Variants in CCDC7 observed in about 807,000 individuals in gnomAD.
CCDC7 encodes coiled-coil domain containing 7.
In CCDC7, 183 loss-of-function variants were observed where a neutral mutation model predicts 196.9. The observed-to-expected ratio is 0.93, with a 90% CI of 0.82 to 1.05. The LOEUF is 1.05. Ranked by LOEUF, CCDC7 falls within the 50% of genes least tolerant of loss-of-function variation. The pLI is 0.00. For synonymous variants in CCDC7, 525 were observed against 484.6 expected (o/e 1.08, Z -1.10); for missense variants, 1,540 against 1,482.2 (o/e 1.04, Z -0.64).
chr10:32,694,415 T>G (rs1163449640), intron 23 of CCDC7, among the ~76,000 whole-genome samples: 1 of 152,244 alleles, frequency 6.6e-6, no homozygotes, highest in Non-Finnish European at 1.5e-5. Flanking sequence ...TTTCATTATG[T>G]GTCATTTTGC....
chr10:32,881,928 AT>A (rs2094804435), downstream of CCDC7, among the ~76,000 whole-genome samples: 1 of 152,174 alleles, frequency 6.6e-6, no homozygotes, highest in African/African-American at 2.4e-5. Context: ...ACACAAGTTC[AT>A]CTAACTTGCT....
chr10:32,849,665 T>C (rs1458650753), intron 39 of CCDC7, among the ~76,000 whole-genome samples: 1 of 133,712 alleles, frequency 7.5e-6, no homozygotes, highest in East Asian at 2.1e-4. Flanking sequence ...ATCACGCCAC[T>C]GCACTCCAGC....
At chr10:32,514,336 G>A (rs767712453) in intron 9 of CCDC7, 10 of 152,138 alleles carry the variant, frequency 6.6e-5, no homozygotes, top group Non-Finnish European at 1.2e-4. Context: ...TTAATCCAAC[G>A]TGACTAATGT....
chr10:32,544,503 A>G, intron 13 of CCDC7: 1 of 383,244 alleles, frequency 2.6e-6, no homozygotes. Flanking sequence ...AAGTTCAGAG[A>G]ATGAAATGTC....
chr10:32,527,214 C>T (rs1294488138), intron 11 of CCDC7, among the ~76,000 whole-genome samples: 1 of 152,058 alleles, frequency 6.6e-6, no homozygotes, highest in African/African-American at 2.4e-5. Context: ...ATTGTAAAGT[C>T]CCCCCACTGT....
chr10:32,555,876 T>C (rs953178869), intron 13 of CCDC7, among the ~76,000 whole-genome samples: 20 of 152,222 alleles, frequency 1.3e-4, no homozygotes, highest in Admixed American at 8.5e-4. Context: ...TTCCTATGTC[T>C]GACGTTCCAG....
intron 2 of CCDC7, among the ~76,000 whole-genome samples, chr10:32,454,587 A>C (rs2033892983): frequency 6.6e-6 from 1 of 151,464 alleles, no homozygotes; most frequent in South Asian, 2.1e-4. Context: ...TAAAAAAAAA[A>C]CCACCAAAAA....
intron 21 of CCDC7, among the ~76,000 whole-genome samples, 186 bp downstream of exon 22, chr10:32,664,347 C>T (rs1184626792): frequency 1.3e-5 from 2 of 151,698 alleles, no homozygotes; most frequent in African/African-American, 2.4e-5. Context: ...TGTATATTAC[C>T]TTGTTATTTT....
chr10:32,680,326 G>T (rs1444892859), intron 21 of CCDC7, among the ~76,000 whole-genome samples: 3 of 152,100 alleles, frequency 2.0e-5, no homozygotes, highest in Admixed American at 1.3e-4. Flanking sequence ...AGTCAGTGGG[G>T]TTGCACATAG....
At chr10:32,463,463 T>G (rs1357060117) in intron 5 of CCDC7, among the ~76,000 whole-genome samples, 1 of 152,220 alleles carries the variant, frequency 6.6e-6, no homozygotes, top group East Asian at 1.9e-4. Flanking sequence ...AAATATGTTA[T>G]TTTAATGATG....
intron 41 of CCDC7, among the ~76,000 whole-genome samples, chr10:32,874,497 C>G (rs959549113): frequency 1.3e-5 from 2 of 151,666 alleles, no homozygotes; most frequent in African/African-American, 4.8e-5. Context: ...TTTGTGTGCA[C>G]ATAGCTTAGC....
At chr10:32,759,675 T>C (rs1419919406) in intron 28 of CCDC7, among the ~76,000 whole-genome samples, 1 of 152,180 alleles carries the variant, frequency 6.6e-6, no homozygotes, top group Non-Finnish European at 1.5e-5. Context: ...TTTCAGGACA[T>C]AGGCATGGGC....
intron 13 of CCDC7, among the ~76,000 whole-genome samples, chr10:32,564,058 C>T (rs1188549909): frequency 1.3e-5 from 2 of 152,094 alleles, no homozygotes; most frequent in Non-Finnish European, 2.9e-5. Context: ...AAATGCTCAT[C>T]ATCACTGGCC....
intron 8 of CCDC7, among the ~76,000 whole-genome samples, chr10:32,483,369 G>A (rs1035181960): frequency 2.1e-4 from 32 of 151,916 alleles, no homozygotes; most frequent in Admixed American, 1.6e-3. Context: ...AAATTTGTTT[G>A]AGTTCATTGT....
intron 11 of CCDC7, among the ~76,000 whole-genome samples, chr10:32,526,969 C>T (rs930861614): frequency 6.6e-6 from 1 of 152,118 alleles, no homozygotes; most frequent in Non-Finnish European, 1.5e-5. Flanking sequence ...AACCCTAGCC[C>T]TACAAATAGT....
intron 14 of CCDC7, among the ~76,000 whole-genome samples, chr10:32,566,946 T>C (rs1024898225): frequency 2.1e-5 from 3 of 144,246 alleles, no homozygotes; most frequent in Admixed American, 7.1e-5. Flanking sequence ...GTATTAGCTA[T>C]ATATATGCAG....
intron 20 of CCDC7, among the ~76,000 whole-genome samples, chr10:32,640,127 T>A (rs1049978571): frequency 2.1e-4 from 32 of 152,174 alleles, no homozygotes; most frequent in African/African-American, 6.8e-4. Context: ...ATCTGTCTAA[T>A]GTTGACAGTG....
At chr10:32,445,015 G>A (rs146609417), upstream of CCDC7, among the ~76,000 whole-genome samples, 6,472 of 151,904 alleles carry the variant, frequency 0.043, 145 homozygotes, top group Middle Eastern at 0.054. Context: ...CATCACGCCC[G>A]GCTAATTTTT....
intron 41 of CCDC7, among the ~76,000 whole-genome samples, chr10:32,871,437 A>G (rs375446064): frequency 0.026 from 3,877 of 149,920 alleles, 190 homozygotes; most frequent in African/African-American, 0.092. Context: ...CTGTGGGATC[A>G]GTGGTGATAT....
Sources: allele counts gnomAD v4.1 joint callset (sites outside exome capture counted in the v4.1 genomes callset), GRCh38; gene constraint gnomAD v4.1.1; transcripts MANE v1.5; gene names NCBI Gene and HGNC (gene_info 2026-07-23, HGNC 2026-07-21).